The following BBX variants were observed in gnomAD, a reference collection of about 807,000 sequenced individuals.
The protein encoded by BBX is HMG box transcription factor BBX.
In BBX, 30 loss-of-function variants were observed where a neutral mutation model predicts 100.2. The ratio of observed to expected loss-of-function variants is 0.30; its 90% CI spans 0.22 to 0.41. The LOEUF (loss-of-function observed/expected upper bound fraction) is 0.41, where lower values mean the gene tolerates loss of function less well. Ranked by LOEUF, BBX falls within the 10% of genes least tolerant of loss-of-function variation. The pLI is 1.00. For missense variants in BBX, 1,023 were observed against 1,129.8 expected, an observed-to-expected ratio of 0.91 and a Z score of 1.35; for synonymous variants, 376 against 388.1, an observed-to-expected ratio of 0.97 and a Z score of 0.37.
chr3:107,767,915 A>C (rs545256616), intron 10 of BBX, among the ~76,000 whole-genome samples: 37 of 152,320 alleles, frequency 2.4e-4, no homozygotes, highest in African/African-American at 8.4e-4. Context: ...GGTTAGGGTC[A>C]AGAGGGAACT....
chr3:107,594,263 G>A (rs555638739), intron 2 of BBX, among the ~76,000 whole-genome samples: 1 of 152,170 alleles, frequency 6.6e-6, no homozygotes, highest in East Asian at 1.9e-4. Flanking sequence ...ACAGTTGCAG[G>A]CCTCCATTTA....
chr3:107,545,209 A>G (rs889238507), intron 2 of BBX, among the ~76,000 whole-genome samples: 2 of 152,214 alleles, frequency 1.3e-5, no homozygotes, highest in Non-Finnish European at 2.9e-5. Flanking sequence ...TCTGACCTTT[A>G]TTAAAAAGCT....
intron 3 of BBX, chr3:107,662,042 A>T (rs1190909827): frequency 8.8e-6 from 3 of 339,078 alleles, no homozygotes; most frequent in Non-Finnish European, 1.3e-5. Context: ...GGACAGAAGA[A>T]ATAAATTTGT....
chr3:107,719,476 C>G (rs2062367184), intron 5 of BBX, among the ~76,000 whole-genome samples: 1 of 151,982 alleles, frequency 6.6e-6, no homozygotes, highest in South Asian at 2.1e-4. Context: ...TGACCCCTTT[C>G]CTTCCTCCTG....
At chr3:107,609,466 A>G (rs2054679780) in intron 2 of BBX, among the ~76,000 whole-genome samples, 1 of 151,968 alleles carries the variant, frequency 6.6e-6, no homozygotes, top group African/African-American at 2.4e-5. Flanking sequence ...GATTAGTATT[A>G]GTATATTTGG....
At chr3:107,605,693 A>G (rs2054382223) in intron 2 of BBX, among the ~76,000 whole-genome samples, 1 of 152,212 alleles carries the variant, frequency 6.6e-6, no homozygotes, top group Non-Finnish European at 1.5e-5. Context: ...ACTTTTGCAT[A>G]TAAAGGGACA....
chr3:107,725,909 ATGT>A (rs928928988), intron 5 of BBX, among the ~76,000 whole-genome samples: 5 of 152,158 alleles, frequency 3.3e-5, no homozygotes, highest in African/African-American at 1.2e-4. Flanking sequence ...TTTAACAAAA[ATGT>A]TGTTATCTGA....
chr3:107,559,816 C>T (rs1480059454), intron 2 of BBX, among the ~76,000 whole-genome samples: 1 of 152,164 alleles, frequency 6.6e-6, no homozygotes, highest in African/African-American at 2.4e-5. Context: ...GATCTCAGCT[C>T]ACTGCAGCCT....
chr3:107,783,037 A>G (rs1167558929), intron 13 of BBX, among the ~76,000 whole-genome samples: 1 of 152,152 alleles, frequency 6.6e-6, no homozygotes, highest in African/African-American at 2.4e-5. Context: ...ACATTAATAT[A>G]ATAATTGACT....
intron 3 of BBX, among the ~76,000 whole-genome samples, chr3:107,667,438 T>C (rs571713368): frequency 6.6e-6 from 1 of 152,160 alleles, no homozygotes; most frequent in South Asian, 2.1e-4. Flanking sequence ...CTGAAAGCCA[T>C]ATATTCTCTA....
At chr3:107,644,022 T>G in intron 2 of BBX, among the ~76,000 whole-genome samples, 1 of 152,174 alleles carries the variant, frequency 6.6e-6, no homozygotes, top group East Asian at 1.9e-4. Flanking sequence ...GCCAATCTCC[T>G]CTCTCACCCC....
At chr3:107,711,173 G>T in intron 4 of BBX, 1 of 353,304 alleles carries the variant, frequency 2.8e-6, no homozygotes, top group Non-Finnish European at 5.7e-6. Context: ...TCAAGTGTTC[G>T]TCCCACCCAA....
Position 107,791,249 on chromosome 3 carries a change from A to C in BBX, c.2303A>C (p.Asp768Ala). 2 of 1,612,786 alleles carry C rather than the reference A, an allele frequency of 1.2e-6. No homozygotes were observed. The highest frequency in any genetic ancestry group is 8.5e-7 in the Non-Finnish European group (1 of 1,179,182). The change falls in exon 15 of 18, where the codon GAT (aspartate) becomes GCT (alanine). Residue 768 changes from aspartate to alanine, a missense_variant. This residue lies in a region of BBX where 215 missense variants were observed against 211.3 expected (regional missense o/e 1.02). Coordinates refer to ENST00000325805, the MANE Select transcript of BBX (RefSeq NM_001142568.3). ...CTGTCATTGTTTTTAGGAAGTGGGG[A>C]TAAATGGTCAAACAAGCAACTCTTC... Reference protein sequence around the residue: ...KPNVPEKGSGDKWSNKQLFLD... With the variant: ...KPNVPEKGSGAKWSNKQLFLD...
intron 3 of BBX, among the ~76,000 whole-genome samples, chr3:107,678,616 C>G (rs2059405900): frequency 6.6e-6 from 1 of 151,962 alleles, no homozygotes; most frequent in South Asian, 2.1e-4. Flanking sequence ...CTCAGCTACT[C>G]TAGAGACTGA....
intron 2 of BBX, among the ~76,000 whole-genome samples, chr3:107,625,096 T>C (rs1467064827): frequency 6.6e-6 from 1 of 152,222 alleles, no homozygotes; most frequent in Non-Finnish European, 1.5e-5. Flanking sequence ...AATTTCTTCT[T>C]TCTGCCTCAT....
At chr3:107,571,240 C>T (rs545147371) in intron 2 of BBX, among the ~76,000 whole-genome samples, 21 of 152,108 alleles carry the variant, frequency 1.4e-4, no homozygotes, top group Admixed American at 1.3e-3. Context: ...GGTGAGCAGC[C>T]AAAGCAGGTG....
Position 107,595,096 on chromosome 3 carries a change from G to A in BBX, c.-83-50740G>A, listed in dbSNP as rs548647510. Among the ~76,000 whole-genome samples the A allele has an allele frequency of 3.9e-5, 6 of 152,292 alleles. No individual in the cohort carries two copies. The South Asian group carries it at 1.0e-3, about 26-fold the overall frequency. ...TATCCTAACAGAGCTGTTTCAGTGGGGCAAGCATGTTTACTAGGGAACTAG... is the reference window on the plus strand; with the variant it reads ...TATCCTAACAGAGCTGTTTCAGTGGAGCAAGCATGTTTACTAGGGAACTAG... On this transcript the variant is annotated intron_variant, in intron 2 of 17. Transcript: ENST00000325805.
At chr3:107,612,326 T>C (rs931061660) in intron 2 of BBX, among the ~76,000 whole-genome samples, 1 of 152,106 alleles carries the variant, frequency 6.6e-6, no homozygotes, top group African/African-American at 2.4e-5. Flanking sequence ...AAAAGTTGGG[T>C]ATTTACTGTT....
chr3:107,584,735 A>G (rs2052699538), intron 2 of BBX, among the ~76,000 whole-genome samples: 1 of 110,036 alleles, frequency 9.1e-6, no homozygotes, highest in Non-Finnish European at 1.7e-5. Context: ...CTTGTTGCCC[A>G]GGCTGGAGTG....
Sources: allele counts gnomAD v4.1 joint callset (sites outside exome capture counted in the v4.1 genomes callset), GRCh38; gene constraint gnomAD v4.1.1; regional missense constraint gnomAD v4.1.1; transcripts MANE v1.5; gene names NCBI Gene and HGNC (gene_info 2026-07-23, HGNC 2026-07-21).